Variants in HHAT observed in about 807,000 individuals in gnomAD.
The protein encoded by HHAT is hedgehog acyltransferase, also known as protein-cysteine N-palmitoyltransferase HHAT.
In HHAT, 47 loss-of-function variants were observed where a neutral mutation model predicts 70.8. The observed-to-expected ratio is 0.66, with a 90% CI of 0.53 to 0.85. The LOEUF is 0.85. Ranked by LOEUF, HHAT falls within the 40% of genes least tolerant of loss-of-function variation. HHAT has a pLI of 0.00. For synonymous variants in HHAT, 228 were observed against 247.6 expected (o/e 0.92, Z 0.74); for missense variants, 609 against 604.8 (o/e 1.01, Z -0.07).
intron 7 of HHAT, among the ~76,000 whole-genome samples, chr1:210,459,791 TAACA>T (rs2093943315): frequency 6.6e-6 from 1 of 152,240 alleles, no homozygotes; most frequent in Non-Finnish European, 1.5e-5. Context: ...TGTCGCTGAA[TAACA>T]AACCATCTAC....
intron 3 of HHAT, among the ~76,000 whole-genome samples, chr1:210,365,080 G>T (rs1571902391): frequency 6.6e-6 from 1 of 152,150 alleles, no homozygotes; most frequent in African/African-American, 2.4e-5. Flanking sequence ...GGCAGAGGAA[G>T]GACATTGATA....
chr1:210,370,849 C>G (rs35655204), intron 3 of HHAT, among the ~76,000 whole-genome samples: 57,999 of 151,830 alleles, frequency 0.38, 11,781 homozygotes, highest in Non-Finnish European at 0.44. Flanking sequence ...CTCCTGACCT[C>G]GTGATCCACC....
intron 10 of HHAT, among the ~76,000 whole-genome samples, chr1:210,598,602 A>T (rs1663548733): frequency 1.3e-5 from 2 of 152,146 alleles, no homozygotes; most frequent in Non-Finnish European, 1.5e-5. Flanking sequence ...CTGCTGTGAC[A>T]GGGCAGCCCT....
chr1:210,599,975 C>T (rs1198596882), intron 10 of HHAT, among the ~76,000 whole-genome samples: 2 of 152,148 alleles, frequency 1.3e-5, no homozygotes, highest in East Asian at 3.9e-4. Context: ...AGCTCCCCAA[C>T]ACAGGTACTT....
intron 9 of HHAT, among the ~76,000 whole-genome samples, chr1:210,549,878 G>A (rs1269057072): frequency 6.7e-6 from 1 of 148,582 alleles, no homozygotes; most frequent in Admixed American, 6.9e-5. Flanking sequence ...AAATTCTGTT[G>A]TTCAGTTGAA....
chr1:210,468,989 A>C (rs1054850717), intron 8 of HHAT, among the ~76,000 whole-genome samples: 1 of 152,110 alleles, frequency 6.6e-6, no homozygotes, highest in Non-Finnish European at 1.5e-5. Flanking sequence ...ACTTTGCCTC[A>C]TAGGGGTGCT....
chr1:210,584,347 T>G (rs1295718243), intron 9 of HHAT, among the ~76,000 whole-genome samples: 3 of 152,154 alleles, frequency 2.0e-5, no homozygotes, highest in Admixed American at 2.0e-4. Context: ...CTGTACAGTT[T>G]CCTTAAAGAG....
intron 4 of HHAT, among the ~76,000 whole-genome samples, chr1:210,390,055 G>T (rs2091352182): frequency 1.3e-5 from 2 of 152,066 alleles, no homozygotes; most frequent in Non-Finnish European, 2.9e-5. Context: ...ATGGAAAAGT[G>T]GGACAAAGAG....
intron 8 of HHAT, among the ~76,000 whole-genome samples, chr1:210,495,449 C>A (rs2094621268): frequency 1.3e-5 from 2 of 152,038 alleles, no homozygotes; most frequent in Admixed American, 6.6e-5. Flanking sequence ...TTTCAAGCAA[C>A]ATTTTTGACT....
intron 9 of HHAT, among the ~76,000 whole-genome samples, chr1:210,539,040 G>A (rs1200623449): frequency 1.3e-5 from 2 of 152,178 alleles, no homozygotes; most frequent in Non-Finnish European, 2.9e-5. Flanking sequence ...TTGCACCACT[G>A]TACTCCAGCC....
intron 2 of HHAT, among the ~76,000 whole-genome samples, chr1:210,358,940 A>G (rs946252819): frequency 1.3e-5 from 2 of 152,228 alleles, no homozygotes; most frequent in Non-Finnish European, 2.9e-5. Context: ...CCTCTCACTC[A>G]GTAGGTAGGA....
chr1:210,519,123 A>G (rs191235824), intron 9 of HHAT, among the ~76,000 whole-genome samples: 1 of 152,252 alleles, frequency 6.6e-6, no homozygotes, highest in East Asian at 1.9e-4. Flanking sequence ...AACAGGTGCT[A>G]TGTGTCCCTA....
At chr1:210,510,136 T>C (rs746856790) in intron 8 of HHAT, among the ~76,000 whole-genome samples, 42 of 152,166 alleles carry the variant, frequency 2.8e-4, no homozygotes, top group Non-Finnish European at 4.4e-4. Flanking sequence ...TATATTTAGT[T>C]TTTAAATTTT....
intron 8 of HHAT, among the ~76,000 whole-genome samples, chr1:210,473,237 G>T (rs888219303): frequency 2.6e-5 from 4 of 152,168 alleles, no homozygotes; most frequent in Non-Finnish European, 5.9e-5. Flanking sequence ...CTAGAGTCAG[G>T]TTGGAATTTG....
At chr1:210,588,193 A>G (rs1660904933) in intron 10 of HHAT, 94 bp downstream of exon 10, 8 of 1,067,610 alleles carry the variant, frequency 7.5e-6, no homozygotes, top group Non-Finnish European at 1.1e-5. Context: ...TGCCCCCACT[A>G]TGGGCCCTTT....
At chr1:210,405,499 C>T (rs372147490) in intron 6 of HHAT, among the ~76,000 whole-genome samples, 13 of 152,114 alleles carry the variant, frequency 8.5e-5, no homozygotes, top group East Asian at 1.9e-4. Context: ...ATAACATGTA[C>T]GTGCATACAC....
intron 4 of HHAT, among the ~76,000 whole-genome samples, chr1:210,390,241 A>T (rs1020944886): frequency 5.3e-5 from 8 of 152,212 alleles, no homozygotes; most frequent in Non-Finnish European, 1.0e-4. Context: ...AGATATCCTT[A>T]AAACAGAAGG....
intron 11 of HHAT, among the ~76,000 whole-genome samples, chr1:210,623,947 A>T (rs1669367725): frequency 6.6e-6 from 1 of 152,162 alleles, no homozygotes; most frequent in African/African-American, 2.4e-5. Flanking sequence ...CCCTTCCATT[A>T]CACTATGTTT....
At chr1:210,463,493 C>CTT (rs2094024941) in intron 7 of HHAT, among the ~76,000 whole-genome samples, 4 of 152,092 alleles carry the variant, frequency 2.6e-5, no homozygotes, top group Admixed American at 2.6e-4. Flanking sequence ...TATTTCATTC[C>CTT]TTTTTATGGT....
Sources: allele counts gnomAD v4.1 joint callset (sites outside exome capture counted in the v4.1 genomes callset), GRCh38; gene constraint gnomAD v4.1.1; transcripts MANE v1.5; gene names NCBI Gene and HGNC (gene_info 2026-07-23, HGNC 2026-07-21).